Variants in LIPA observed in about 807,000 individuals in gnomAD.
The protein encoded by LIPA is lysosomal acid lipase/cholesteryl ester hydrolase.
In LIPA, 26 loss-of-function variants were observed where a neutral mutation model predicts 40.6. That is an observed-to-expected ratio of 0.64 (90% CI 0.47 to 0.89). LIPA has a LOEUF of 0.89. Among genes scored for constraint, LIPA ranks in the 40% least tolerant of loss-of-function variants. The pLI is 0.00. For missense variants in LIPA, 455 were observed against 479.6 expected (o/e 0.95, Z 0.48); for synonymous variants, 188 against 168.4 (o/e 1.12, Z -0.90).
intron 2 of LIPA, among the ~76,000 whole-genome samples, chr10:89,376,315 T>C (rs1844121469): frequency 6.6e-6 from 1 of 151,540 alleles, no homozygotes; most frequent in African/African-American, 2.4e-5. Context: ...TGAATAGACG[T>C]GGAGATGGGT....
chr10:89,233,005 C>T (rs796742038), intron 3 of LIPA, among the ~76,000 whole-genome samples: 16 of 152,332 alleles, frequency 1.1e-4, no homozygotes, highest in African/African-American at 3.8e-4. Flanking sequence ...CTAAGAACAT[C>T]GGTAAATACC....
chr10:89,329,913 T>G (rs976518662), intron 1 of LIPA, among the ~76,000 whole-genome samples: 7 of 151,426 alleles, frequency 4.6e-5, no homozygotes, highest in Non-Finnish European at 1.0e-4. Flanking sequence ...AAGATTTGGG[T>G]AGGTAAAGGA....
chr10:89,320,266 G>C (rs1406095547), intron 1 of LIPA, among the ~76,000 whole-genome samples: 2 of 152,182 alleles, frequency 1.3e-5, no homozygotes, highest in Non-Finnish European at 2.9e-5. Flanking sequence ...TAGGAAAAGA[G>C]GAAGTCAAAT....
intron 1 of LIPA, chr10:89,306,877 T>C (rs770771403): frequency 6.2e-7 from 1 of 1,614,042 alleles, no homozygotes; most frequent in Non-Finnish European, 8.5e-7. Flanking sequence ...ATGGAATGTA[T>C]GGGAAAAGAA....
intron 1 of LIPA, chr10:89,338,952 C>T (rs201297971): frequency 4.3e-6 from 7 of 1,614,174 alleles, no homozygotes; most frequent in East Asian, 2.2e-5. Flanking sequence ...CTTGGGGAAA[C>T]TACGCCTGGG....
chr10:89,381,677 G>A (rs1397023390), intron 2 of LIPA, among the ~76,000 whole-genome samples: 1 of 152,168 alleles, frequency 6.6e-6, no homozygotes. Flanking sequence ...TGCCAGCTGT[G>A]CTCAAAGCAG....
At chr10:89,276,525 T>G (rs1332019898) in intron 1 of LIPA, among the ~76,000 whole-genome samples, 2 of 152,194 alleles carry the variant, frequency 1.3e-5, no homozygotes, top group Non-Finnish European at 2.9e-5. Context: ...CTTTATGGAT[T>G]AGAGGGGAAC....
intron 2 of LIPA, among the ~76,000 whole-genome samples, chr10:89,393,779 AT>A (rs1304025225): frequency 6.6e-6 from 1 of 152,136 alleles, no homozygotes; most frequent in Non-Finnish European, 1.5e-5. Flanking sequence ...TGATTTGTAA[AT>A]TTTCCCCTCA....
rs567161777 is a variant in LIPA at position 89,394,020 on chromosome 10, T to C, written c.61+18771A>G. Among the ~76,000 whole-genome samples the C allele has an allele frequency of 2.2e-4, 34 of 152,324 alleles. 2 individuals carry two copies. Among genetic ancestry groups the C allele is most frequent in the Middle Eastern group, 3.4e-3 (1 of 294 alleles). ...CCATTTAATTCTCAAAAGATACTTATAAGGCAGGTACTTACACAGTCATGC... is the reference window on the plus strand; with the variant it reads ...CCATTTAATTCTCAAAAGATACTTACAAGGCAGGTACTTACACAGTCATGC... On this transcript the variant is annotated intron_variant, in intron 2 of 8. Transcript: ENST00000371837.
intron 2 of LIPA, among the ~76,000 whole-genome samples, chr10:89,372,191 A>G (rs1844095555): frequency 6.6e-6 from 1 of 152,220 alleles, no homozygotes; most frequent in African/African-American, 2.4e-5. Context: ...CAGGATTACC[A>G]TGACTTGAGA....
chr10:89,384,143 C>T (rs1844185421), intron 2 of LIPA: 2 of 1,614,006 alleles, frequency 1.2e-6, no homozygotes, highest in African/African-American at 1.3e-5. Context: ...TTAAAAATGG[C>T]CTTGGAGACA....
chr10:89,303,401 G>A (rs1026751852), intron 1 of LIPA, among the ~76,000 whole-genome samples: 1 of 152,204 alleles, frequency 6.6e-6, no homozygotes, highest in African/African-American at 2.4e-5. Flanking sequence ...TCTGAGCCTG[G>A]TTGATAATGT....
intron 1 of LIPA, chr10:89,306,793 C>G (rs577049617): frequency 6.2e-7 from 1 of 1,614,082 alleles, no homozygotes; most frequent in Non-Finnish European, 8.5e-7. Context: ...ACATACCAAA[C>G]AATGCCTACC....
At chr10:89,275,859 T>A (rs1843286832) in intron 1 of LIPA, among the ~76,000 whole-genome samples, 1 of 152,240 alleles carries the variant, frequency 6.6e-6, no homozygotes, top group Non-Finnish European at 1.5e-5. Context: ...GACTTGATGA[T>A]TGTATGTCCA....
chr10:89,386,784 A>G (rs1844212877), intron 2 of LIPA, among the ~76,000 whole-genome samples: 1 of 152,214 alleles, frequency 6.6e-6, no homozygotes, highest in Middle Eastern at 3.2e-3. Flanking sequence ...CAAATAAAAT[A>G]AAATTACTCA....
At chr10:89,303,126 T>C (rs1287587104) in intron 1 of LIPA, among the ~76,000 whole-genome samples, 1 of 152,250 alleles carries the variant, frequency 6.6e-6, no homozygotes, top group Non-Finnish European at 1.5e-5. Flanking sequence ...TCTTAGAATT[T>C]TTCCCATTAC....
At chr10:89,407,202 T>G (rs548047378) in intron 2 of LIPA, among the ~76,000 whole-genome samples, 1 of 152,088 alleles carries the variant, frequency 6.6e-6, no homozygotes, top group Non-Finnish European at 1.5e-5. Flanking sequence ...TGAGTGAAAC[T>G]CTCAAAGTCA....
chr10:89,384,629 G>A (rs772211454), intron 2 of LIPA: 2 of 1,614,098 alleles, frequency 1.2e-6, no homozygotes, highest in African/African-American at 1.3e-5. Flanking sequence ...GTTGTGGAAA[G>A]TGTCAGCCTC....
At chr10:89,284,818 G>A (rs1214836136) in intron 1 of LIPA, among the ~76,000 whole-genome samples, 1 of 152,200 alleles carries the variant, frequency 6.6e-6, no homozygotes, top group Non-Finnish European at 1.5e-5. Context: ...CAAAAGAAGT[G>A]AAAATGGCCT....
Sources: gnomAD v4.1 joint callset for allele counts (sites outside exome capture counted in the v4.1 genomes callset) on GRCh38, gnomAD v4.1.1 for gene constraint, MANE v1.5 for transcripts, NCBI Gene and HGNC (gene_info 2026-07-23, HGNC 2026-07-21) for gene names.